MED27: variants seen among roughly 807,000 people sequenced by gnomAD.
The protein encoded by MED27 is mediator complex subunit 27.
MED27 carries 30 observed loss-of-function variants against 38.2 expected under a neutral mutation model. That is an observed-to-expected ratio of 0.79 (90% CI 0.59 to 1.07). The LOEUF is 1.07. MED27 is among the 50% of genes least tolerant of loss of function. MED27 has a pLI of 0.00. For missense variants in MED27, 289 were observed against 397.5 expected (o/e 0.73, Z 2.32); for synonymous variants, 122 against 153.5 (o/e 0.79, Z 1.52).
chr9:131,863,957 G>C (rs1838694585), intron 6 of MED27, among the ~76,000 whole-genome samples: 1 of 152,172 alleles, frequency 6.6e-6, no homozygotes, highest in Admixed American at 6.5e-5. Flanking sequence ...ACCACCCCCT[G>C]ACCTGGATCC....
chr9:131,965,059 G>A (rs1831309165), intron 3 of MED27, among the ~76,000 whole-genome samples: 1 of 152,188 alleles, frequency 6.6e-6, no homozygotes, highest in Non-Finnish European at 1.5e-5. Context: ...AGTCAAAAAG[G>A]TTTGGGAAGG....
chr9:131,890,198 T>A (rs1839205780), intron 5 of MED27, among the ~76,000 whole-genome samples: 1 of 152,088 alleles, frequency 6.6e-6, no homozygotes. Context: ...TTGGCTAGGA[T>A]GAGATTCTGA....
In MED27 at chr9:131,860,441, A is replaced by G; in HGVS notation, c.*97T>C. 7.4e-7 allele frequency: 1 copy of G among 1,342,300 alleles called. No individual in the cohort carries two copies. Among genetic ancestry groups the G allele is most frequent in the Non-Finnish European group, 9.9e-7 (1 of 1,007,522 alleles). 83.1% of individuals were successfully genotyped at this position (1,342,300 alleles called of 1,614,324 possible). A position where few individuals can be genotyped will look rare whatever the true frequency, so the allele number is the denominator to read the frequency against. On this transcript the variant is annotated 3_prime_UTR_variant, in exon 8 of 8. Transcript: ENST00000292035. The surrounding 1 kb of genome is among the most constrained non-coding windows in gnomAD (Gnocchi z 5.8). ...TTATGAAAGGGAGGAGCAGCTGTAC[A>G]CATCTGGGCAGTGAGGAACCAGCTG...
intron 6 of MED27, among the ~76,000 whole-genome samples, chr9:131,882,743 G>A (rs535840647): frequency 1.8e-4 from 27 of 152,224 alleles, no homozygotes; most frequent in African/African-American, 6.5e-4. Flanking sequence ...CCCTACAAAG[G>A]CTTCCTCTGA....
rs559640374 is a variant in MED27, at chr9:131,898,164, T to C, written c.574-4172A>G. ...TATAGTAGTTTATGGATAGTCAGTA[T>C]GAAAAGTCTTGCACTGGCTTACTTT... On this transcript the variant is annotated intron_variant, in intron 4 of 7. Coordinates refer to ENST00000292035, the MANE Select transcript of MED27 (RefSeq NM_004269.4). Among the ~76,000 whole-genome samples, 14 of 151,114 alleles carry C rather than the reference T, an allele frequency of 9.3e-5. No homozygotes were observed. The South Asian group carries it at 2.7e-3, about 30-fold the overall frequency.
At chr9:131,952,575 T>C (rs1256094873) in intron 3 of MED27, among the ~76,000 whole-genome samples, 1 of 152,218 alleles carries the variant, frequency 6.6e-6, no homozygotes, top group Non-Finnish European at 1.5e-5. Flanking sequence ...CTGACCCACG[T>C]GGACTGCATC....
chr9:132,048,059 T>C (rs1833380474), intron 2 of MED27, among the ~76,000 whole-genome samples: 1 of 152,166 alleles, frequency 6.6e-6, no homozygotes, highest in Non-Finnish European at 1.5e-5. Context: ...CAGGTATACA[T>C]TGGTTAGGTG....
Position 131,860,353 on chromosome 9 carries a change from A to C in MED27, c.*185T>G, listed in dbSNP as rs1838631283. ...AGTCCGCTGGCTAGTGGGAATAATT[A>C]GTCCCATCAGCCACAGAGGGAGTCT... is the stretch of plus-strand genomic sequence containing the variant. On this transcript the variant is annotated 3_prime_UTR_variant, in exon 8 of 8. Transcript: ENST00000292035. This position sits in a 1 kb window ranked among gnomAD's most constrained non-coding sequence, Gnocchi z 5.8. The C allele has an allele frequency of 6.6e-6, 4 of 605,742 alleles. No homozygotes were observed. In the South Asian group the frequency reaches 9.8e-5, roughly 15 times the overall value. The allele number at this position is 605,742 out of a possible 1,614,324, so 37.5% of individuals were successfully genotyped here. A position where few individuals can be genotyped will look rare whatever the true frequency, so the allele number is the denominator to read the frequency against.
chr9:131,951,309 T>C (rs1830991970), intron 3 of MED27, among the ~76,000 whole-genome samples: 1 of 152,170 alleles, frequency 6.6e-6, no homozygotes, highest in African/African-American at 2.4e-5. Context: ...ATCTCACACA[T>C]GTGGGGGAAT....
intron 4 of MED27, among the ~76,000 whole-genome samples, chr9:131,915,647 A>G (rs1023112534): frequency 1.3e-5 from 2 of 152,374 alleles, no homozygotes; most frequent in African/African-American, 4.8e-5. Flanking sequence ...CATGATCTTC[A>G]ACAAGTGTCT....
rs528747661 is a variant in MED27 at position 131,860,817 on chromosome 9, C to A, written c.802-145G>T. The A allele has an allele frequency of 3.4e-6, 3 of 892,922 alleles. No homozygotes were observed. The highest frequency in any genetic ancestry group is 2.8e-5 in the East Asian group (1 of 35,986). The allele number at this position is 892,922 out of a possible 1,614,324, so 55.3% of individuals were successfully genotyped here. The stretch of plus-strand genomic sequence containing the variant: ...CTGTGATTTCACAGGGAGCAGCAGG[C>A]GGAACCCACAAGGTCACCTGACTGC... On this transcript the variant is annotated intron_variant, in intron 7 of 7. Transcript: ENST00000292035. The surrounding 1 kb of genome is among the most constrained non-coding windows in gnomAD (Gnocchi z 5.8).
At chr9:131,933,341 G>A (rs570792002) in intron 4 of MED27, among the ~76,000 whole-genome samples, 42 of 152,128 alleles carry the variant, frequency 2.8e-4, no homozygotes, top group African/African-American at 9.2e-4. Context: ...CAGATGATCC[G>A]ATCTTATATT....
rs115891763 is a variant in MED27 at position 131,917,198 on chromosome 9, G to A, written c.573+22183C>T. On this transcript the variant is annotated intron_variant, in intron 4 of 7. Transcript: ENST00000292035. The surrounding 1 kb of genome is among the most constrained non-coding windows in gnomAD (Gnocchi z 4.6). ...AGGAATGCTAAACCTTCTGCAATACGCTGGCCAGTTCCATAGACTGGAACT... is the reference window on the plus strand; with the variant it reads ...AGGAATGCTAAACCTTCTGCAATACACTGGCCAGTTCCATAGACTGGAACT... 3.9e-3 allele frequency among the ~76,000 whole-genome samples: 587 copies of A among 152,178 alleles called. 4 individuals are homozygous for A. The highest frequency in any genetic ancestry group is 0.014 in the African/African-American group (561 of 41,518).
At chr9:131,944,553 A>C (rs1285299257) in intron 3 of MED27, among the ~76,000 whole-genome samples, 3 of 140,110 alleles carry the variant, frequency 2.1e-5, no homozygotes, top group African/African-American at 8.2e-5. Flanking sequence ...TTTGAGATGG[A>C]GTCTCGCTCT....
intron 4 of MED27, among the ~76,000 whole-genome samples, chr9:131,931,826 C>T (rs1239622722): frequency 6.6e-6 from 1 of 152,042 alleles, no homozygotes; most frequent in Non-Finnish European, 1.5e-5. Context: ...AATATATATA[C>T]AACCAACAAT....
chr9:132,076,504 C>T (rs1208868144), intron 2 of MED27, among the ~76,000 whole-genome samples: 3 of 152,086 alleles, frequency 2.0e-5, no homozygotes, highest in Non-Finnish European at 4.4e-5. Flanking sequence ...ACCAGAAAAA[C>T]TCTCAAGCTT....
chr9:131,875,341 T>C (rs1838912250), intron 6 of MED27, among the ~76,000 whole-genome samples: 1 of 151,992 alleles, frequency 6.6e-6, no homozygotes, highest in Non-Finnish European at 1.5e-5. Context: ...AATGCTTTGG[T>C]GGGAATGGGT....
At chr9:131,903,332 C>T (rs566831450) in intron 4 of MED27, among the ~76,000 whole-genome samples, 6 of 152,246 alleles carry the variant, frequency 3.9e-5, no homozygotes, top group Admixed American at 1.3e-4. Flanking sequence ...GAGAACGGCA[C>T]GGGAAAGACC....
chr9:132,050,731 C>T (rs891371379), intron 2 of MED27, among the ~76,000 whole-genome samples: 6 of 152,196 alleles, frequency 3.9e-5, no homozygotes, highest in African/African-American at 1.2e-4. Context: ...GCTCTCCACA[C>T]AGGCCTGCCC....
Sources: allele counts gnomAD v4.1 joint callset (sites outside exome capture counted in the v4.1 genomes callset), GRCh38; gene constraint gnomAD v4.1.1; non-coding constraint Gnocchi (gnomAD v3.1); transcripts MANE v1.5; gene names NCBI Gene and HGNC (gene_info 2026-07-23, HGNC 2026-07-21).